Variants in CHST8 observed in about 807,000 individuals in gnomAD.
CHST8 encodes the protein GALNAC-4-ST1.
In CHST8, 10 loss-of-function variants were observed where a neutral mutation model predicts 15.0. That is an observed-to-expected ratio of 0.67 (90% confidence interval 0.41 to 1.13). The LOEUF (loss-of-function observed/expected upper bound fraction) is 1.13, where lower values mean the gene tolerates loss of function less well. Among genes scored for constraint, CHST8 ranks in the 50% most tolerant of loss-of-function variants. The pLI, the probability that CHST8 is intolerant of heterozygous loss-of-function variation, is 0.00. For synonymous variants in CHST8, 259 were observed against 256.6 expected (o/e 1.01, Z -0.09); for missense variants, 634 against 608.2 (o/e 1.04, Z -0.45).
chr19:33,752,385 G>C (rs1482982415), intron 3 of CHST8, among the ~76,000 whole-genome samples: 5 of 152,196 alleles, frequency 3.3e-5, no homozygotes, highest in Admixed American at 3.3e-4. Context: ...AATCCACTTA[G>C]ATATTCTGTG....
intron 3 of CHST8, among the ~76,000 whole-genome samples, chr19:33,764,403 A>G (rs774579241): frequency 2.0e-5 from 3 of 152,162 alleles, no homozygotes; most frequent in Non-Finnish European, 4.4e-5. Flanking sequence ...GCGAGGCCAA[A>G]GCGGGAGGAT....
At chr19:33,732,206 G>T (rs578142153) in intron 3 of CHST8, among the ~76,000 whole-genome samples, 2 of 152,322 alleles carry the variant, frequency 1.3e-5, no homozygotes, top group South Asian at 2.1e-4. Flanking sequence ...CCGTCACTCA[G>T]GAGATCCTCT....
chr19:33,715,830 C>T (rs284327), intron 3 of CHST8, among the ~76,000 whole-genome samples: 89,350 of 152,032 alleles, frequency 0.59, 26,587 homozygotes, highest in East Asian at 0.87. Context: ...GTGCCTGGCC[C>T]CATGCTAGCT....
At chr19:33,681,870 CTTT>C (rs113510674) in intron 2 of CHST8, among the ~76,000 whole-genome samples, 1 of 139,422 alleles carries the variant, frequency 7.2e-6, no homozygotes, top group Non-Finnish European at 1.6e-5. Flanking sequence ...TTGGGTTTTG[CTTT>C]TTTTTTTTTT....
At position 33,689,273 on chromosome 19, in the gene CHST8, A is replaced by G. The variant is rs1973049076; in HGVS notation, c.12A>G (p.Arg4=). 1 of 1,598,412 alleles carries G rather than the reference A, an allele frequency of 6.3e-7. No homozygotes were observed. Among genetic ancestry groups the G allele is most frequent in the Non-Finnish European group, 8.5e-7 (1 of 1,173,094 alleles). Reference sequence around the variant, plus strand: ...TGAGCCAGCCCCGGATGACCCTGCGACCTGGAACAATGCGGCTGGCCTGCA... The same window carrying G: ...TGAGCCAGCCCCGGATGACCCTGCGGCCTGGAACAATGCGGCTGGCCTGCA... MTL[R]PGTMRLACMF... The change falls in exon 3 of 5, where the codon CGA becomes CGG. Residue 4 remains arginine, a synonymous_variant. Transcript: ENST00000650847.
rs541815222 is a variant in CHST8, at chr19:33,757,510, G to T, written c.131-13903G>T. On this transcript the variant is annotated intron_variant, in intron 3 of 4. Transcript: ENST00000650847. ...AGAAAGAAAGAAAGAAAGAAAGAAA[G>T]AAAGAAAGAAAGAGAAAGAAAGAAA... 5.3e-4 allele frequency among the ~76,000 whole-genome samples: 26 copies of T among 48,982 alleles called. 3 individuals are homozygous for T. The highest frequency in any genetic ancestry group is 3.8e-3 in the East Asian group (8 of 2,094). The allele number at this position is 48,982 out of a possible 152,430, so 32.1% of individuals were successfully genotyped here.
chr19:33,629,579 G>T (rs1456895077), intron 1 of CHST8, among the ~76,000 whole-genome samples: 1 of 152,246 alleles, frequency 6.6e-6, no homozygotes, highest in African/African-American at 2.4e-5. Context: ...GTCCTCCAGA[G>T]CTGGGGAGCA....
intron 3 of CHST8, among the ~76,000 whole-genome samples, chr19:33,746,299 C>T (rs1296791626): frequency 4.6e-5 from 7 of 152,240 alleles, no homozygotes; most frequent in Non-Finnish European, 8.8e-5. Flanking sequence ...CAATTGGAGA[C>T]GTGAAACATT....
At chr19:33,626,085 C>CA (rs1448322122) in intron 1 of CHST8, among the ~76,000 whole-genome samples, 1 of 152,144 alleles carries the variant, frequency 6.6e-6, no homozygotes. Context: ...AACCCGGGGA[C>CA]AGAGCTGCAT....
chr19:33,726,537 CAAT>C (rs372932705), intron 3 of CHST8, among the ~76,000 whole-genome samples: 3 of 151,688 alleles, frequency 2.0e-5, no homozygotes, highest in Non-Finnish European at 4.4e-5. Flanking sequence ...GACCCTGTCT[CAAT>C]AATAATAATA....
chr19:33,681,965 C>T (rs1600258517), intron 2 of CHST8, among the ~76,000 whole-genome samples: 1 of 151,910 alleles, frequency 6.6e-6, no homozygotes, highest in Non-Finnish European at 1.5e-5. Flanking sequence ...CTCCCATTCT[C>T]CTGCCTCAGC....
intron 3 of CHST8, among the ~76,000 whole-genome samples, chr19:33,766,079 G>T (rs1165501844): frequency 2.0e-5 from 3 of 151,964 alleles, no homozygotes; most frequent in Non-Finnish European, 4.4e-5. Context: ...ATTTTAGATT[G>T]CCAGCCCCCA....
intron 3 of CHST8, among the ~76,000 whole-genome samples, chr19:33,730,954 A>G (rs1393280892): frequency 6.6e-6 from 1 of 152,232 alleles, no homozygotes; most frequent in Non-Finnish European, 1.5e-5. Context: ...GCACAGAGAA[A>G]GATGGAAGCT....
At chr19:33,641,444 GT>G (rs769923047) in intron 1 of CHST8, among the ~76,000 whole-genome samples, 3 of 152,184 alleles carry the variant, frequency 2.0e-5, no homozygotes, top group Non-Finnish European at 4.4e-5. Flanking sequence ...GAGCAGCAGG[GT>G]TAAGGGCTCC....
At chr19:33,771,680 C>T (rs577801599) in intron 4 of CHST8, among the ~76,000 whole-genome samples, 1 of 152,280 alleles carries the variant, frequency 6.6e-6, no homozygotes, top group African/African-American at 2.4e-5. Context: ...AATCTGAGCC[C>T]GCCTGCAGGC....
intron 3 of CHST8, among the ~76,000 whole-genome samples, chr19:33,743,834 C>T (rs575992996): frequency 2.0e-5 from 3 of 150,780 alleles, no homozygotes; most frequent in Non-Finnish European, 4.4e-5. Context: ...CTCTGTCGAC[C>T]AGGCTGGAGT....
intron 1 of CHST8, among the ~76,000 whole-genome samples, chr19:33,628,672 C>A (rs1972087805): frequency 6.6e-6 from 1 of 152,172 alleles, no homozygotes; most frequent in African/African-American, 2.4e-5. Flanking sequence ...CTGGTTGAGC[C>A]CCTAGTTCAT....
At chr19:33,671,011 A>G (rs1355276006) in intron 2 of CHST8, among the ~76,000 whole-genome samples, 2 of 152,186 alleles carry the variant, frequency 1.3e-5, no homozygotes, top group Non-Finnish European at 2.9e-5. Flanking sequence ...TGGCAGTTCC[A>G]GCCTCCTTCT....
At chr19:33,767,897 T>G (rs559949716) in intron 3 of CHST8, among the ~76,000 whole-genome samples, 1 of 152,258 alleles carries the variant, frequency 6.6e-6, no homozygotes, top group South Asian at 2.1e-4. Flanking sequence ...TACGTTTTAT[T>G]TGGGGGCTTG....
Sources: allele counts gnomAD v4.1 joint callset (sites outside exome capture counted in the v4.1 genomes callset), GRCh38; gene constraint gnomAD v4.1.1; transcripts MANE v1.5; gene names NCBI Gene and HGNC (gene_info 2026-07-23, HGNC 2026-07-21).